Variants in TCF7L1 observed in about 807,000 individuals in gnomAD.
The protein encoded by TCF7L1 is transcription factor 7 like 1, also known as transcription factor 7-like 1.
TCF7L1 carries 18 observed loss-of-function variants against 63.7 expected under a neutral mutation model. That is an observed-to-expected ratio of 0.28 (90% CI 0.20 to 0.42). TCF7L1 has a LOEUF of 0.42. Ranked by LOEUF, TCF7L1 falls within the 10% of genes least tolerant of loss-of-function variation. The probability of loss-of-function intolerance (pLI) is 1.00; values close to 1 mark genes in which losing one functional copy is unlikely to be tolerated. For synonymous variants in TCF7L1, 355 were observed against 340.9 expected (o/e 1.04, Z -0.46); for missense variants, 654 against 779.3 (o/e 0.84, Z 1.91).
intron 11 of TCF7L1, among the ~76,000 whole-genome samples, chr2:85,308,442 T>TCTCTTTCTCCTTCCCTCCCA (rs1558663493): frequency 1.4e-5 from 1 of 71,776 alleles, no homozygotes; most frequent in Admixed American, 1.4e-4. Flanking sequence ...TCTCCCTCCC[T>TCTCTTTCTCCTTCCCTCCCA]TTCTCTTTCC....
At chr2:85,177,574 G>T (rs899147806) in intron 3 of TCF7L1, among the ~76,000 whole-genome samples, 3 of 151,924 alleles carry the variant, frequency 2.0e-5, no homozygotes, top group Non-Finnish European at 4.4e-5. Flanking sequence ...GTGTGGTGGC[G>T]CATGCCTGTA....
intron 3 of TCF7L1, among the ~76,000 whole-genome samples, chr2:85,227,591 C>T (rs1274379977): frequency 6.6e-6 from 1 of 152,142 alleles, no homozygotes; most frequent in Admixed American, 6.5e-5. Context: ...ATAAGCTTAG[C>T]TTTAGTTAAA....
chr2:85,138,999 C>T (rs867992119), intron 3 of TCF7L1, among the ~76,000 whole-genome samples: 1 of 147,256 alleles, frequency 6.8e-6, no homozygotes, highest in Non-Finnish European at 1.5e-5. Flanking sequence ...TTACACTTTT[C>T]TTTTTTTTTT....
At chr2:85,181,841 G>A (rs1678810276) in intron 3 of TCF7L1, among the ~76,000 whole-genome samples, 1 of 152,196 alleles carries the variant, frequency 6.6e-6, no homozygotes, top group African/African-American at 2.4e-5. Flanking sequence ...CATCGAGTGG[G>A]TGTCAGTTTA....
intron 3 of TCF7L1, among the ~76,000 whole-genome samples, chr2:85,171,801 A>G (rs1007692177): frequency 6.6e-6 from 1 of 152,130 alleles, no homozygotes; most frequent in African/African-American, 2.4e-5. Context: ...CAGAATGGGG[A>G]TTGTGACATC....
At chr2:85,277,568 T>C (rs1405043262) in intron 3 of TCF7L1, among the ~76,000 whole-genome samples, 1 of 152,104 alleles carries the variant, frequency 6.6e-6, no homozygotes, top group African/African-American at 2.4e-5. Flanking sequence ...GAAGGACCGG[T>C]CACCAAAACT....
chr2:85,299,693 C>T (rs1442432267), intron 4 of TCF7L1, among the ~76,000 whole-genome samples: 1 of 151,770 alleles, frequency 6.6e-6, no homozygotes, highest in Non-Finnish European at 1.5e-5. Flanking sequence ...ATGGTGAAAC[C>T]GCGTCTCTAC....
intron 3 of TCF7L1, among the ~76,000 whole-genome samples, chr2:85,179,471 A>G (rs1475426685): frequency 2.6e-5 from 4 of 152,226 alleles, no homozygotes; most frequent in Non-Finnish European, 5.9e-5. Context: ...TGGGACTCTG[A>G]GAACCTCTAT....
rs141122824 is a variant in TCF7L1, at chr2:85,171,124, A to G, written c.441+36674A>G. Among the ~76,000 whole-genome samples the G allele has an allele frequency of 2.3e-3, 352 of 152,338 alleles. 1 individual carries two copies. Among genetic ancestry groups the G allele is most frequent in the African/African-American group, 7.7e-3 (322 of 41,584 alleles). The stretch of plus-strand genomic sequence containing the variant: ...AAGGAGAAGCAGAGGCACGTCTTAC[A>G]TGGTGGCAGGCAAGAGAGCATGTGC... On this transcript the variant is annotated intron_variant, in intron 3 of 11. Coordinates refer to ENST00000282111, the MANE Select transcript of TCF7L1 (RefSeq NM_031283.3).
chr2:85,206,937 ACT>A (rs2104284829), intron 3 of TCF7L1, among the ~76,000 whole-genome samples: 1 of 151,856 alleles, frequency 6.6e-6, no homozygotes, highest in East Asian at 1.9e-4. Context: ...TGTTGACACC[ACT>A]CTCTGGTCAG....
chr2:85,240,987 G>A (rs538229080), intron 3 of TCF7L1, among the ~76,000 whole-genome samples: 1 of 152,276 alleles, frequency 6.6e-6, no homozygotes, highest in African/African-American at 2.4e-5. Flanking sequence ...TATTAAATCT[G>A]TGCCTTTTGT....
chr2:85,308,460 T>TCCCTCCCTC (rs1682188923), intron 11 of TCF7L1, among the ~76,000 whole-genome samples: 1 of 30,378 alleles, frequency 3.3e-5, no homozygotes, highest in Non-Finnish European at 5.5e-5. Flanking sequence ...TCCCTCCCTC[T>TCCCTCCCTC]CTTTCCCTCC....
chr2:85,238,896 T>C (rs753065128), intron 3 of TCF7L1, among the ~76,000 whole-genome samples: 57 of 151,894 alleles, frequency 3.8e-4, no homozygotes, highest in Admixed American at 1.3e-3. Context: ...TTCCACTCAC[T>C]GCTGACTCCG....
intron 3 of TCF7L1, among the ~76,000 whole-genome samples, chr2:85,255,407 G>A (rs1209229672): frequency 2.0e-5 from 3 of 152,100 alleles, no homozygotes; most frequent in Admixed American, 6.5e-5. Context: ...ATGCCTGTGT[G>A]CACACCTGCA....
At chr2:85,211,963 G>A (rs894326430) in intron 3 of TCF7L1, among the ~76,000 whole-genome samples, 2 of 151,836 alleles carry the variant, frequency 1.3e-5, no homozygotes, top group East Asian at 1.9e-4. Flanking sequence ...GGTGGCACGC[G>A]CCTGTAATCC....
intron 3 of TCF7L1, among the ~76,000 whole-genome samples, chr2:85,243,202 G>A (rs991135298): frequency 8.5e-5 from 13 of 152,082 alleles, no homozygotes; most frequent in African/African-American, 2.4e-4. Context: ...ACTCCTCGGC[G>A]CCATTACATG....
At position 85,305,373 on chromosome 2, in the gene TCF7L1, C is replaced by T; in HGVS notation, c.959C>T (p.Ala320Val). Residue 320 changes from alanine to valine, a missense_variant, in exon 8 of 12, where the codon GCA becomes GTA. Ala to Val is a moderately conservative substitution (Grantham distance 64). This residue lies in a region of TCF7L1 where 404 missense variants were observed against 454.8 expected (regional missense o/e 0.89). Transcript: ENST00000282111. Reference sequence around the variant, plus strand: ...TCCCCCATCGTCAAGCAGGAACCGGCACCCCCCAGCCTGAGCCCTGCAGTG... The same window carrying T: ...TCCCCCATCGTCAAGCAGGAACCGGTACCCCCCAGCCTGAGCCCTGCAGTG... ...IVSPIVKQEPAPPSLSPAVSV... is the reference protein window; with the variant it reads ...IVSPIVKQEPVPPSLSPAVSV... 6.2e-7 allele frequency: 1 copy of T among 1,613,290 alleles called. No individual in the cohort carries two copies. The highest frequency in any genetic ancestry group is 1.3e-5 in the African/African-American group (1 of 74,990).
At chr2:85,159,669 C>T (rs567339892) in intron 3 of TCF7L1, among the ~76,000 whole-genome samples, 1 of 152,348 alleles carries the variant, frequency 6.6e-6, no homozygotes, top group East Asian at 1.9e-4. Flanking sequence ...AATTCAAGAT[C>T]GCCTTCAGGC....
chr2:85,242,274 C>T (rs1292771183), intron 3 of TCF7L1, among the ~76,000 whole-genome samples: 4 of 152,204 alleles, frequency 2.6e-5, no homozygotes, highest in Non-Finnish European at 5.9e-5. Context: ...GGGCTGCCAA[C>T]ATAGAACCCA....
Sources: allele counts gnomAD v4.1 joint callset (sites outside exome capture counted in the v4.1 genomes callset), GRCh38; gene constraint gnomAD v4.1.1; regional missense constraint gnomAD v4.1.1; transcripts MANE v1.5; gene names NCBI Gene and HGNC (gene_info 2026-07-23, HGNC 2026-07-21).